Variants in PIGK observed in about 807,000 individuals in gnomAD.
PIGK encodes phosphatidylinositol glycan anchor biosynthesis class K, also known as GPI-anchor transamidase.
PIGK carries 42 observed loss-of-function variants against 50.6 expected under a neutral mutation model. The ratio of observed to expected loss-of-function variants is 0.83; its 90% confidence interval spans 0.65 to 1.07. PIGK has a LOEUF of 1.07. Ranked by LOEUF, PIGK falls within the 50% of genes least tolerant of loss-of-function variation. The pLI is 0.00. For synonymous variants in PIGK, 151 were observed against 156.0 expected, an observed-to-expected ratio of 0.97 and a Z score of 0.24; for missense variants, 448 against 488.7, an observed-to-expected ratio of 0.92 and a Z score of 0.78.
intron 3 of PIGK, among the ~76,000 whole-genome samples, chr1:77,171,436 CAAAAAAAAAA>C (rs58788160): frequency 3.4e-4 from 16 of 46,890 alleles, no homozygotes; most frequent in East Asian, 1.8e-3. Flanking sequence ...GACTCCACCT[CAAAAAAAAAA>C]AAAAAAAAAA....
At chr1:77,200,053 A>G (rs1656125140) in intron 3 of PIGK, among the ~76,000 whole-genome samples, 1 of 152,200 alleles carries the variant, frequency 6.6e-6, no homozygotes, top group South Asian at 2.1e-4. Flanking sequence ...TAAGGCCTGA[A>G]GCCTGGATGA....
chr1:77,141,447 A>T (rs1305217268), intron 9 of PIGK, among the ~76,000 whole-genome samples: 1 of 152,186 alleles, frequency 6.6e-6, no homozygotes, highest in Non-Finnish European at 1.5e-5. Context: ...GGCATTCCAT[A>T]CAATATAAGC....
chr1:77,188,215 C>T (rs1043505892), intron 3 of PIGK, among the ~76,000 whole-genome samples: 1 of 152,118 alleles, frequency 6.6e-6, no homozygotes, highest in African/African-American at 2.4e-5. Flanking sequence ...AGAACAGAGC[C>T]ATATTTCTCT....
chr1:77,200,906 C>A (rs1252642532), intron 3 of PIGK, among the ~76,000 whole-genome samples: 1 of 144,272 alleles, frequency 6.9e-6, no homozygotes, highest in Non-Finnish European at 1.6e-5. Flanking sequence ...AAATTCCTAA[C>A]ACAGTCTCTG....
chr1:77,194,324 A>C (rs1186186116), intron 3 of PIGK, among the ~76,000 whole-genome samples: 1 of 152,172 alleles, frequency 6.6e-6, no homozygotes, highest in African/African-American at 2.4e-5. Flanking sequence ...CACTGGGTAC[A>C]TATTCAAAGG....
chr1:77,204,859 C>T (rs1033993902), intron 3 of PIGK, among the ~76,000 whole-genome samples: 2 of 151,990 alleles, frequency 1.3e-5, no homozygotes, highest in Non-Finnish European at 2.9e-5. Flanking sequence ...ATTTATTTAC[C>T]CAATACTAGC....
In PIGK at chr1:77,219,404, T is replaced by A. The variant is rs146101175; in HGVS notation, c.-2A>T. On this transcript the variant is annotated 5_prime_UTR_variant, in exon 1 of 11. Transcript: ENST00000370812. The stretch of plus-strand genomic sequence containing the variant: ...GCTGAGGCTGTCGGTGACGGCCATG[T>A]TTACCGGCTTCAGACTTCCCGCACC... 1.1e-4 allele frequency: 174 copies of A among 1,612,752 alleles called. No individual in the cohort carries two copies. The African/African-American group carries it at 2.2e-3, about 20-fold the overall frequency.
chr1:77,166,434 G>A (rs1416174392), intron 5 of PIGK, among the ~76,000 whole-genome samples: 2 of 152,082 alleles, frequency 1.3e-5, no homozygotes, highest in African/African-American at 4.8e-5. Flanking sequence ...ATGATTAGCA[G>A]GAGAACAAAA....
intron 9 of PIGK, 21 bp downstream of exon 9, chr1:77,154,428 A>G (rs778267963): frequency 6.4e-7 from 1 of 1,562,200 alleles, no homozygotes; most frequent in Non-Finnish European, 8.8e-7. Flanking sequence ...TTCTATTCAA[A>G]TAATGGTTTA....
At chr1:77,148,069 A>G (rs2653468) in intron 9 of PIGK, among the ~76,000 whole-genome samples, 4,818 of 152,284 alleles carry the variant, frequency 0.032, 255 homozygotes, top group African/African-American at 0.11. Context: ...TCTAACTGTC[A>G]ATTTTAATAA....
intron 10 of PIGK, among the ~76,000 whole-genome samples, chr1:77,115,226 G>A (rs1459794796): frequency 2.0e-5 from 3 of 152,048 alleles, no homozygotes; most frequent in Admixed American, 6.6e-5. Context: ...TACAGAGCCC[G>A]GGACAACATT....
At chr1:77,196,483 CT>C (rs970607406) in intron 3 of PIGK, among the ~76,000 whole-genome samples, 1 of 152,108 alleles carries the variant, frequency 6.6e-6, no homozygotes, top group Non-Finnish European at 1.5e-5. Context: ...TTGCCAACAT[CT>C]TTTATTTTTT....
At chr1:77,134,853 T>A (rs1654461931) in intron 9 of PIGK, among the ~76,000 whole-genome samples, 1 of 152,208 alleles carries the variant, frequency 6.6e-6, no homozygotes, top group Admixed American at 6.5e-5. Flanking sequence ...AAGTATTTTT[T>A]TAATTTTCAT....
chr1:77,184,598 T>C (rs1655697895), intron 3 of PIGK, among the ~76,000 whole-genome samples: 1 of 152,200 alleles, frequency 6.6e-6, no homozygotes, highest in Non-Finnish European at 1.5e-5. Context: ...AACATCATTG[T>C]GGTCCTCCAG....
chr1:77,159,134 G>A (rs747576898), intron 8 of PIGK, among the ~76,000 whole-genome samples: 39 of 152,126 alleles, frequency 2.6e-4, no homozygotes, highest in Non-Finnish European at 4.1e-4. Flanking sequence ...CTGTGTCCCA[G>A]CCACTCCAGC....
At chr1:77,188,262 C>A (rs182174288) in intron 3 of PIGK, among the ~76,000 whole-genome samples, 312 of 152,222 alleles carry the variant, frequency 2.0e-3, no homozygotes, top group African/African-American at 7.3e-3. Flanking sequence ...TCGCTGAATT[C>A]TTTTTCTCAG....
intron 10 of PIGK, among the ~76,000 whole-genome samples, chr1:77,109,257 T>A (rs1322528007): frequency 6.6e-6 from 1 of 152,234 alleles, no homozygotes; most frequent in Non-Finnish European, 1.5e-5. Context: ...TAACTCATTT[T>A]ATGAGGCCAG....
At chr1:77,163,209 A>G (rs1655166617) in intron 6 of PIGK, among the ~76,000 whole-genome samples, 1 of 152,208 alleles carries the variant, frequency 6.6e-6, no homozygotes, top group Non-Finnish European at 1.5e-5. Flanking sequence ...GCATCATTGT[A>G]TACATATTTC....
At chr1:77,173,440 C>A (rs1655411161) in intron 3 of PIGK, among the ~76,000 whole-genome samples, 1 of 152,022 alleles carries the variant, frequency 6.6e-6, no homozygotes, top group Non-Finnish European at 1.5e-5. Context: ...CATTATTTTC[C>A]TTTGTGATGC....
Sources: gnomAD v4.1 joint callset for allele counts (sites outside exome capture counted in the v4.1 genomes callset) on GRCh38, gnomAD v4.1.1 for gene constraint, MANE v1.5 for transcripts, NCBI Gene and HGNC (gene_info 2026-07-23, HGNC 2026-07-21) for gene names.